The following HPSE2 variants were observed in gnomAD, a reference collection of about 807,000 sequenced individuals.
HPSE2 encodes the protein inactive heparanase-2.
Under a neutral mutation model 60.5 loss-of-function variants are expected in HPSE2, and 38 were observed. That is an observed-to-expected ratio of 0.63 (90% CI 0.48 to 0.82). HPSE2 has a LOEUF of 0.82. Ranked by LOEUF, HPSE2 falls within the 40% of genes least tolerant of loss-of-function variation. HPSE2 has a pLI of 0.00. For synonymous variants in HPSE2, 295 were observed against 293.2 expected, an observed-to-expected ratio of 1.01 and a Z score of -0.06; for missense variants, 713 against 740.4, an observed-to-expected ratio of 0.96 and a Z score of 0.43.
chr10:99,029,207 G>T (rs1324642130), intron 3 of HPSE2, among the ~76,000 whole-genome samples: 2 of 152,050 alleles, frequency 1.3e-5, no homozygotes, highest in Non-Finnish European at 2.9e-5. Context: ...CAACAGAATG[G>T]GAGACAATAT....
At chr10:99,280,925 C>A in the HPSE2 span, among the ~76,000 whole-genome samples, 1 of 152,130 alleles carries the variant, frequency 6.6e-6, no homozygotes, top group South Asian at 2.1e-4. Flanking sequence ...TGGAGCCAGA[C>A]TGCATGGATT....
intron 9 of HPSE2, among the ~76,000 whole-genome samples, chr10:98,497,780 A>G (rs1037248275): frequency 2.6e-5 from 4 of 152,210 alleles, no homozygotes; most frequent in Middle Eastern, 6.8e-3. Context: ...AAAAATGTCA[A>G]TATTGACCTC....
intron 2 of HPSE2, among the ~76,000 whole-genome samples, chr10:99,175,285 C>G (rs1246910959): frequency 1.3e-5 from 2 of 152,140 alleles, no homozygotes; most frequent in East Asian, 3.9e-4. Flanking sequence ...GTTTACTCCC[C>G]CAGAAAGGGG....
chr10:98,549,141 G>A (rs1052184788), intron 9 of HPSE2, among the ~76,000 whole-genome samples: 3 of 151,992 alleles, frequency 2.0e-5, no homozygotes, highest in African/African-American at 4.8e-5. Context: ...TTCTGGAATC[G>A]AATTACCTGG....
chr10:98,905,039 A>G (rs180964166), intron 3 of HPSE2, among the ~76,000 whole-genome samples: 1 of 152,338 alleles, frequency 6.6e-6, no homozygotes, highest in East Asian at 1.9e-4. Context: ...GCTCTTACAT[A>G]CATGGGCATA....
chr10:98,943,725 G>A (rs527583877), intron 3 of HPSE2, among the ~76,000 whole-genome samples: 3 of 152,286 alleles, frequency 2.0e-5, no homozygotes, highest in South Asian at 4.1e-4. Context: ...AGCCTATGTG[G>A]TAAGGAACTA....
At chr10:98,543,569 G>T (rs1943551464) in intron 9 of HPSE2, among the ~76,000 whole-genome samples, 1 of 152,290 alleles carries the variant, frequency 6.6e-6, no homozygotes, top group African/African-American at 2.4e-5. Context: ...TCAGTGTGCT[G>T]TATTCAGGAA....
At chr10:99,228,951 G>C (rs941446944) in intron 2 of HPSE2, among the ~76,000 whole-genome samples, 2 of 152,084 alleles carry the variant, frequency 1.3e-5, no homozygotes, top group Non-Finnish European at 2.9e-5. Flanking sequence ...GAACTGGGCA[G>C]ATCAGTTGAG....
At chr10:98,714,391 A>G (rs1460116256) in intron 5 of HPSE2, among the ~76,000 whole-genome samples, 2 of 151,914 alleles carry the variant, frequency 1.3e-5, no homozygotes, top group Admixed American at 1.3e-4. Flanking sequence ...ACCAGCCCTA[A>G]GCAACTACTA....
intron 9 of HPSE2, among the ~76,000 whole-genome samples, chr10:98,602,025 G>C (rs1431739925): frequency 6.6e-6 from 1 of 152,196 alleles, no homozygotes; most frequent in Non-Finnish European, 1.5e-5. Flanking sequence ...AGGAAGGACA[G>C]AGGCTTTGCA....
chr10:98,564,876 T>C (rs1944295295), intron 9 of HPSE2, among the ~76,000 whole-genome samples: 2 of 152,144 alleles, frequency 1.3e-5, no homozygotes, highest in South Asian at 4.1e-4. Context: ...GAAAATCTAA[T>C]TCTGGGGTGA....
At chr10:99,110,430 C>T (rs776428199) in intron 3 of HPSE2, among the ~76,000 whole-genome samples, 2 of 152,062 alleles carry the variant, frequency 1.3e-5, no homozygotes, top group Non-Finnish European at 2.9e-5. Flanking sequence ...TATTCTCCGT[C>T]CTTTCAACAC....
intron 3 of HPSE2, among the ~76,000 whole-genome samples, chr10:99,036,765 G>C (rs912944718): frequency 2.6e-5 from 4 of 152,140 alleles, no homozygotes; most frequent in African/African-American, 7.2e-5. Context: ...CTCTGCCCAA[G>C]ATACTTATTA....
At position 99,068,346 on chromosome 10, in the gene HPSE2, G is replaced by C. The variant is rs529004996; in HGVS notation, c.610+75892C>G. ...ATAAAGACATATGGTAATTTGCAAA[G>C]GAAGGAGGTTTAATTGACACAGTTC... On this transcript the variant is annotated intron_variant, in intron 3 of 11. Transcript: ENST00000370552. Among the ~76,000 whole-genome samples the C allele has an allele frequency of 4.7e-4, 71 of 152,318 alleles. 3 individuals are homozygous for C. The South Asian group carries it at 0.01, about 22-fold the overall frequency.
intron 3 of HPSE2, among the ~76,000 whole-genome samples, chr10:99,104,247 C>T (rs544217066): frequency 1.3e-5 from 2 of 151,956 alleles, no homozygotes; most frequent in East Asian, 3.9e-4. Context: ...TGGCAAAGGG[C>T]TAATATCCAG....
chr10:99,051,936 G>A (rs559773793), intron 3 of HPSE2, among the ~76,000 whole-genome samples: 2 of 150,124 alleles, frequency 1.3e-5, no homozygotes, highest in African/African-American at 4.9e-5. Context: ...TAACTATGCT[G>A]TCTGCTTGAA....
At chr10:98,551,456 G>C in intron 9 of HPSE2, among the ~76,000 whole-genome samples, 1 of 152,140 alleles carries the variant, frequency 6.6e-6, no homozygotes, top group East Asian at 1.9e-4. Context: ...TTCCCCACTG[G>C]ATGCTGTTCT....
intron 3 of HPSE2, among the ~76,000 whole-genome samples, chr10:98,897,196 T>C (rs902156735): frequency 3.9e-5 from 6 of 151,986 alleles, no homozygotes; most frequent in African/African-American, 1.5e-4. Context: ...AAGGGTGGGA[T>C]TAGGGTGAGG....
chr10:98,770,633 G>A (rs1002981216), intron 3 of HPSE2, among the ~76,000 whole-genome samples: 42 of 152,132 alleles, frequency 2.8e-4, no homozygotes, highest in African/African-American at 9.9e-4. Context: ...AGTCTAAGAT[G>A]CCTTCCCTTC....
Sources: allele counts gnomAD v4.1 joint callset (sites outside exome capture counted in the v4.1 genomes callset), GRCh38; gene constraint gnomAD v4.1.1; transcripts MANE v1.5; gene names NCBI Gene and HGNC (gene_info 2026-07-23, HGNC 2026-07-21).